The following SNX2 variants were observed in gnomAD, a reference collection of about 807,000 sequenced individuals.
SNX2 encodes the protein sorting nexin 2, also known as sorting nexin-2.
Under a neutral mutation model 69.9 loss-of-function variants are expected in SNX2, and 25 were observed. That is an observed-to-expected ratio of 0.36 (90% confidence interval 0.26 to 0.50). The LOEUF (loss-of-function observed/expected upper bound fraction) is 0.50, where lower values mean the gene tolerates loss of function less well. SNX2 is among the 20% of genes least tolerant of loss of function. The pLI is 0.97. For missense variants in SNX2, 551 were observed against 613.3 expected (o/e 0.90, Z 1.07); for synonymous variants, 229 against 200.4 (o/e 1.14, Z -1.20).
At chr5:122,826,739 C>G (rs1309201797) in intron 12 of SNX2, 3 of 458,360 alleles carry the variant, frequency 6.5e-6, no homozygotes, top group Non-Finnish European at 8.6e-6. Context: ...GGAAAAATAT[C>G]ATTTCATTGC....
At chr5:122,805,929 C>T (rs532716290) in intron 6 of SNX2, among the ~76,000 whole-genome samples, 6 of 151,878 alleles carry the variant, frequency 4.0e-5, no homozygotes, top group African/African-American at 1.4e-4. Context: ...TACAGGCGCC[C>T]GCCACCACGC....
intron 11 of SNX2, among the ~76,000 whole-genome samples, chr5:122,822,500 G>A (rs1754046773): frequency 6.6e-6 from 1 of 152,128 alleles, no homozygotes; most frequent in South Asian, 2.1e-4. Flanking sequence ...TCCATATCGA[G>A]CGTACTTTTC....
intron 1 of SNX2, among the ~76,000 whole-genome samples, chr5:122,786,424 T>C (rs1046649588): frequency 3.3e-5 from 5 of 152,148 alleles, no homozygotes; most frequent in Non-Finnish European, 5.9e-5. Context: ...TCCTTTCTTG[T>C]GGATTACTTT....
chr5:122,786,737 A>T (rs1335219299), intron 1 of SNX2, among the ~76,000 whole-genome samples: 1 of 150,678 alleles, frequency 6.6e-6, no homozygotes, highest in African/African-American at 2.4e-5. Context: ...GCCATTTTTT[A>T]CATTTTGGCT....
chr5:122,776,571 C>T (rs979728878), intron 1 of SNX2, among the ~76,000 whole-genome samples: 1 of 152,202 alleles, frequency 6.6e-6, no homozygotes, highest in Non-Finnish European at 1.5e-5. Context: ...TAAAAATTAT[C>T]TTGCAGAATA....
chr5:122,827,917 A>C (rs1330703119), intron 14 of SNX2: 1 of 328,356 alleles, frequency 3.0e-6, no homozygotes, highest in East Asian at 5.2e-5. Context: ...TTCCCCTTTC[A>C]CTGTCTTTCT....
chr5:122,815,871 G>A lies in SNX2; in HGVS notation c.723-25G>A, dbSNP rs1357831595. 4 of 1,316,710 alleles carry A rather than the reference G, an allele frequency of 3.0e-6. No individual in the cohort carries two copies. The African/African-American group carries it at 5.9e-5, about 20-fold the overall frequency. 81.6% of individuals were successfully genotyped at this position (1,316,710 alleles called of 1,614,324 possible). On this transcript the variant is annotated intron_variant, in intron 7 of 14. Coordinates refer to ENST00000379516, the MANE Select transcript of SNX2 (RefSeq NM_003100.4). ...TGTAATTCAAGATGCTACTGATAAA[G>A]GAGCAATTTTACTCTTAAATCTAGG...
At chr5:122,793,592 T>C (rs1753296101) in intron 1 of SNX2, among the ~76,000 whole-genome samples, 1 of 152,170 alleles carries the variant, frequency 6.6e-6, no homozygotes, top group Admixed American at 6.5e-5. Context: ...TTTTGTGTTA[T>C]ACTTCAATAA....
At chr5:122,804,327 C>G (rs942975068) in intron 6 of SNX2, among the ~76,000 whole-genome samples, 2 of 150,838 alleles carry the variant, frequency 1.3e-5, no homozygotes, top group Admixed American at 6.6e-5. Flanking sequence ...CATCTTAGTT[C>G]ATTTCGTACC....
chr5:122,801,762 A>G (rs190476137), intron 3 of SNX2, 107 bp from the exon 4 acceptor site: 242 of 702,522 alleles, frequency 3.4e-4, no homozygotes, highest in Non-Finnish European at 5.1e-4. Context: ...TGGCTAAATT[A>G]TTTGTTGTGA....
intron 10 of SNX2, 33 bp downstream of exon 10, chr5:122,817,406 C>T: frequency 8.0e-7 from 1 of 1,244,802 alleles, no homozygotes; most frequent in South Asian, 1.4e-5. Flanking sequence ...GTAGTTAGCA[C>T]CATAAAACTA....
chr5:122,829,920 A>G lies in SNX2; in HGVS notation c.*272A>G. On this transcript the variant is annotated 3_prime_UTR_variant, in exon 15 of 15. Transcript: ENST00000379516. ...AATTGAACACTATTGTGTCTTAAAT[A>G]CTTGCACTAAATAGTGCACTGCAAG... is the stretch of plus-strand genomic sequence containing the variant. 2.2e-6 allele frequency: 1 copy of G among 462,056 alleles called. No individual in the cohort carries two copies. Among genetic ancestry groups the G allele is most frequent in the Admixed American group, 3.7e-5 (1 of 26,978 alleles). 28.6% of individuals were successfully genotyped at this position (462,056 alleles called of 1,614,324 possible).
At position 122,827,405 on chromosome 5, in the gene SNX2, AAG is replaced by A. The variant is rs1206599501; in HGVS notation, c.1387_1388del (p.Asp463PhefsTer2). The A allele has an allele frequency of 1.2e-6, 2 of 1,613,410 alleles. No homozygotes were observed. Among genetic ancestry groups the A allele is most frequent in the Non-Finnish European group, 1.7e-6 (2 of 1,179,642 alleles). ...EWEAKVQQGERDFEQISKTIR... is the reference protein window; with the variant it reads ...EWEAKVQQGEXDFEQISKTIR... ...GGGAGGCGAAAGTGCAACAAGGGGAAAGAGATTTTGAACAGATATCTAAAACG... is the reference window on the plus strand; with the variant it reads ...GGGAGGCGAAAGTGCAACAAGGGGAAAGATTTTGAACAGATATCTAAAACG... On this transcript the variant is annotated frameshift_variant, in exon 13 of 15. Coordinates refer to ENST00000379516, the MANE Select transcript of SNX2 (RefSeq NM_003100.4). LOFTEE classifies it high-confidence loss of function.
In SNX2 at chr5:122,826,065, C is replaced by T; in HGVS notation, c.1228C>T (p.Arg410Ter). The change falls in exon 12 of 15, where the codon CGA becomes TGA. Residue 410 changes from arginine to a stop codon, truncating the protein, a stop_gained. Transcript: ENST00000379516. LOFTEE classifies it high-confidence loss of function. The stretch of plus-strand genomic sequence containing the variant: ...TCACTTATAGGGTGTGTTTGACCAT[C>T]GAATGAAGTGCTGGCAGAAATGGGA... ...IAAVKGVFDH[R>*]MKCWQKWEDA... 6 of 1,612,826 alleles carry T rather than the reference C, an allele frequency of 3.7e-6. No homozygotes were observed. The highest frequency in any genetic ancestry group is 2.2e-5 in the East Asian group (1 of 44,744).
At chr5:122,789,988 CATT>C (rs1173559672) in intron 1 of SNX2, among the ~76,000 whole-genome samples, 1 of 152,166 alleles carries the variant, frequency 6.6e-6, no homozygotes, top group Non-Finnish European at 1.5e-5. Context: ...AAATAATAAA[CATT>C]ATATCACAGT....
At chr5:122,811,842 T>TAAAA (rs1480675083) in intron 7 of SNX2, among the ~76,000 whole-genome samples, 5 of 149,602 alleles carry the variant, frequency 3.3e-5, no homozygotes, top group South Asian at 4.3e-4. Context: ...AATAAATAAA[T>TAAAA]AAATAAATAA....
chr5:122,806,133 C>T (rs1561461016), intron 6 of SNX2, among the ~76,000 whole-genome samples: 1 of 54,038 alleles, frequency 1.9e-5, no homozygotes, highest in African/African-American at 6.8e-5. Context: ...TATATATACA[C>T]ACGCGCGCGC....
chr5:122,801,221 C>G (rs1328799875), intron 3 of SNX2, among the ~76,000 whole-genome samples: 1 of 152,056 alleles, frequency 6.6e-6, no homozygotes, highest in African/African-American at 2.4e-5. Context: ...TTTTAATAAT[C>G]TGAATCTGAA....
At chr5:122,824,364 A>G (rs1754106645) in intron 11 of SNX2, among the ~76,000 whole-genome samples, 1 of 152,114 alleles carries the variant, frequency 6.6e-6, no homozygotes, top group Non-Finnish European at 1.5e-5. Flanking sequence ...GCTGTTTTAA[A>G]TGATAGTGAC....
Sources: allele counts gnomAD v4.1 joint callset (sites outside exome capture counted in the v4.1 genomes callset), GRCh38; gene constraint gnomAD v4.1.1; transcripts MANE v1.5; gene names NCBI Gene and HGNC (gene_info 2026-07-23, HGNC 2026-07-21).